SLF2: variants seen among roughly 807,000 people sequenced by gnomAD.
The protein encoded by SLF2 is SMC5-SMC6 complex localization factor protein 2.
A neutral mutation model predicts 124.3 loss-of-function variants in SLF2; 68 were observed. The observed-to-expected ratio is 0.55, with a 90% CI of 0.45 to 0.67. The LOEUF is 0.67. SLF2 is among the 30% of genes least tolerant of loss of function. The pLI is 0.00. For missense variants in SLF2, 1,246 were observed against 1,373.7 expected (o/e 0.91, Z 1.47); for synonymous variants, 480 against 478.8 (o/e 1.00, Z -0.03).
intron 16 of SLF2, 132 bp downstream of exon 16, chr10:100,950,339 G>A (rs1203726795): frequency 1.4e-5 from 15 of 1,047,426 alleles, no homozygotes; most frequent in Admixed American, 8.7e-5. Context: ...ATTTTAAAGC[G>A]AATAATATTT....
intron 12 of SLF2, among the ~76,000 whole-genome samples, chr10:100,944,505 A>AAG (rs1447792615): frequency 6.6e-6 from 1 of 151,746 alleles, no homozygotes; most frequent in African/African-American, 2.4e-5. Context: ...AAAAAAAAAA[A>AAG]AAAAAAAAAC....
intron 11 of SLF2, among the ~76,000 whole-genome samples, chr10:100,942,723 T>C (rs1850005426): frequency 6.6e-6 from 1 of 152,202 alleles, no homozygotes; most frequent in Non-Finnish European, 1.5e-5. Flanking sequence ...TTCACCATGT[T>C]GGCCAGGCTG....
chr10:100,933,357 C>G lies in SLF2; in HGVS notation c.2436+2279C>G, dbSNP rs117985054. Among the ~76,000 whole-genome samples, 142 of 152,282 alleles carry G rather than the reference C, an allele frequency of 9.3e-4. No individual in the cohort carries two copies. In the East Asian group the frequency reaches 0.025, roughly 27 times the overall value. ...AGACTAATCATTCATTAAACACTTT[C>G]CCTGTGTAAGACACTGTCTCATTTC... is the stretch of plus-strand genomic sequence containing the variant. On this transcript the variant is annotated intron_variant, in intron 9 of 19. Coordinates refer to ENST00000238961, the MANE Select transcript of SLF2 (RefSeq NM_018121.4).
At chr10:100,931,116 C>T in intron 9 of SLF2, 38 bp downstream of exon 9, 1 of 1,450,114 alleles carries the variant, frequency 6.9e-7, no homozygotes, top group Non-Finnish European at 9.5e-7. Flanking sequence ...TTGCCTCCTA[C>T]TATATTTCTA....
In SLF2 at chr10:100,945,477, A is replaced by C; in HGVS notation, c.2905A>C (p.Met969Leu). Residue 969 changes from methionine (M) to leucine (L), a missense_variant, in exon 13 of 20, where the codon ATG becomes CTG. By Grantham distance (15) the Met-to-Leu change is conservative. Transcript: ENST00000238961. ...VDFQSLLINL[M>L]KNIRDWNTKV... ...CTTTCAAAGCCTCCTGATAAACCTG[A>C]TGAAAAACATCAGAGATTGGAACAC... 1 of 1,571,548 alleles carries C rather than the reference A, an allele frequency of 6.4e-7. No homozygotes were observed. The highest frequency in any genetic ancestry group is 8.6e-7 in the Non-Finnish European group (1 of 1,169,298).
rs769197812 is a variant in SLF2 at position 100,924,843 on chromosome 10, T to C, written c.1842T>C (p.Ser614=). The change falls in exon 5 of 20, where the codon AGT becomes AGC. Residue 614 remains serine, a synonymous_variant. Coordinates refer to ENST00000238961, the MANE Select transcript of SLF2 (RefSeq NM_018121.4). ...AAAGTTTAGGTTACAACCTAGACAG[T>C]GATGAGGAAGAGGAAACATTAAAGT... ...DEESLGYNLD[S]DEEEETLKSL... The C allele has an allele frequency of 6.2e-7, 1 of 1,614,100 alleles. No individual in the cohort carries two copies.
At position 100,963,260 on chromosome 10, in the gene SLF2, G is replaced by A. The variant is rs1018791262; in HGVS notation, c.*1348G>A. On this transcript the variant is annotated 3_prime_UTR_variant, in exon 20 of 20. Transcript: ENST00000238961. ...TTTCTACCTCTAAATTGAGGCTTAG[G>A]AGTAAAAAGCATTTTGTCCTAAATT... The A allele has an allele frequency of 6.6e-6, 1 of 152,564 alleles. No individual in the cohort carries two copies. The highest frequency in any genetic ancestry group is 1.5e-5 in the Non-Finnish European group (1 of 68,032). 9.5% of individuals were successfully genotyped at this position (152,564 alleles called of 1,614,324 possible).
chr10:100,947,730 A>T (rs2133816028), intron 14 of SLF2, 30 bp from the exon 15 acceptor site: 2 of 1,479,222 alleles, frequency 1.4e-6, no homozygotes, highest in East Asian at 2.3e-5. Context: ...ATTAAAATAC[A>T]TTCTAAATAC....
intron 1 of SLF2, 76 bp downstream of exon 1, chr10:100,913,326 C>A: frequency 7.3e-7 from 1 of 1,378,146 alleles, no homozygotes. Flanking sequence ...GACCGCCGCT[C>A]TTCCAGTTCC....
At chr10:100,938,871 C>A in intron 11 of SLF2, 135 bp downstream of exon 11, 1 of 729,400 alleles carries the variant, frequency 1.4e-6, no homozygotes. Context: ...GAATTAGATA[C>A]ATTTTTAACA....
rs1340576718 is a variant in SLF2, at chr10:100,924,813, TGAA to T, written c.1816_1818del (p.Glu606del). 6.2e-7 allele frequency: 1 copy of T among 1,614,124 alleles called. No individual in the cohort carries two copies. The highest frequency in any genetic ancestry group is 8.5e-7 in the Non-Finnish European group (1 of 1,180,014). On this transcript the variant is annotated inframe_deletion, in exon 5 of 20. Transcript: ENST00000238961. ...AACTAAGGGGTGATTTTGATAGTGA[TGAA>T]GAAAGTTTAGGTTACAACCTAGACA...
chr10:100,945,048 A>G (rs1267449986), intron 12 of SLF2, among the ~76,000 whole-genome samples: 1 of 152,198 alleles, frequency 6.6e-6, no homozygotes, highest in African/African-American at 2.4e-5. Context: ...GAAGATAAAA[A>G]AAAAAAGAGT....
At chr10:100,915,107 T>C (rs1440737217) in intron 1 of SLF2, among the ~76,000 whole-genome samples, 14 of 152,236 alleles carry the variant, frequency 9.2e-5, no homozygotes, top group Non-Finnish European at 1.9e-4. Context: ...TTATTGCCAA[T>C]GTCAGAACTT....
chr10:100,946,546 C>T (rs1407402605), intron 13 of SLF2, among the ~76,000 whole-genome samples: 1 of 152,032 alleles, frequency 6.6e-6, no homozygotes, highest in Admixed American at 6.6e-5. Context: ...AGGCTGGTCT[C>T]AAACTCCTGG....
At chr10:100,918,139 C>T (rs576731942) in intron 3 of SLF2, among the ~76,000 whole-genome samples, 1 of 152,242 alleles carries the variant, frequency 6.6e-6, no homozygotes, top group African/African-American at 2.4e-5. Context: ...AAACGTAAAT[C>T]AGCATTTTGA....
At chr10:100,933,789 C>G (rs1849792751) in intron 9 of SLF2, among the ~76,000 whole-genome samples, 1 of 152,166 alleles carries the variant, frequency 6.6e-6, no homozygotes, top group Admixed American at 6.6e-5. Context: ...AAGCAATTCT[C>G]CTGCTCAGCC....
In SLF2 at chr10:100,929,302, C is replaced by A; in HGVS notation, c.2043-15C>A. 1 of 1,597,036 alleles carries A rather than the reference C, an allele frequency of 6.3e-7. No homozygotes were observed. The highest frequency in any genetic ancestry group is 1.1e-5 in the South Asian group (1 of 88,538). On this transcript the variant is annotated splice_polypyrimidine_tract_variant and intron_variant, in intron 6 of 19. Transcript: ENST00000238961. ...TTTTAGAGTAAACTGTTATAACATT[C>A]TTTCCAATTCTCAGGCTAGATGAAC...
In SLF2 at chr10:100,944,013, C is replaced by T. The variant is rs374206872; in HGVS notation, c.2655-13C>T. The T allele has an allele frequency of 3.1e-4, 482 of 1,562,330 alleles. 1 individual carries two copies. Among genetic ancestry groups the T allele is most frequent in the Non-Finnish European group, 2.8e-4 (318 of 1,148,004 alleles). On this transcript the variant is annotated splice_polypyrimidine_tract_variant and intron_variant, in intron 11 of 19. Coordinates refer to ENST00000238961, the MANE Select transcript of SLF2 (RefSeq NM_018121.4). ...GTGCCTAACTTCACATTGCTTTACTCACTTCTCAATAGTTCTGAAACACAG... is the reference window on the plus strand; with the variant it reads ...GTGCCTAACTTCACATTGCTTTACTTACTTCTCAATAGTTCTGAAACACAG...
chr10:100,924,179 C>T lies in SLF2; in HGVS notation c.1178C>T (p.Ser393Phe). 1 of 1,613,986 alleles carries T rather than the reference C, an allele frequency of 6.2e-7. No individual in the cohort carries two copies. Among genetic ancestry groups the T allele is most frequent in the Non-Finnish European group, 8.5e-7 (1 of 1,180,012 alleles). The change falls in exon 5 of 20, where the codon TCC becomes TTC. Residue 393 changes from serine to phenylalanine, a missense_variant. Ser to Phe is a radical substitution (Grantham distance 155). This residue lies in a region of SLF2 where 698 missense variants were observed against 708.9 expected (regional missense o/e 0.98). Coordinates refer to ENST00000238961, the MANE Select transcript of SLF2 (RefSeq NM_018121.4). ...GATGTGTTGCGCTTAGAAGATATAT[C>T]CAAGGAACCGAGTGATGAAACTGAT... ...PGDVLRLEDI[S>F]KEPSDETDGS...
Sources: allele counts gnomAD v4.1 joint callset (sites outside exome capture counted in the v4.1 genomes callset), GRCh38; gene constraint gnomAD v4.1.1; regional missense constraint gnomAD v4.1.1; transcripts MANE v1.5; gene names NCBI Gene and HGNC (gene_info 2026-07-23, HGNC 2026-07-21).